SLC4A10: variants seen among roughly 807,000 people sequenced by gnomAD.
SLC4A10 encodes solute carrier family 4 member 10.
SLC4A10 carries 42 observed loss-of-function variants against 137.7 expected under a neutral mutation model. The observed-to-expected ratio is 0.30, with a 90% confidence interval of 0.24 to 0.39. SLC4A10 has a LOEUF of 0.39. SLC4A10 is among the 10% of genes least tolerant of loss of function. The pLI is 1.00. For synonymous variants in SLC4A10, 474 were observed against 464.1 expected, an observed-to-expected ratio of 1.02 and a Z score of -0.27; for missense variants, 925 against 1,355.0, an observed-to-expected ratio of 0.68 and a Z score of 4.98.
intron 2 of SLC4A10, among the ~76,000 whole-genome samples, chr2:161,798,942 T>C (rs1474062688): frequency 1.3e-5 from 2 of 149,886 alleles, no homozygotes; most frequent in Non-Finnish European, 3.0e-5. Context: ...AAAGAATCAA[T>C]TCATTTTTAG....
intron 1 of SLC4A10, among the ~76,000 whole-genome samples, chr2:161,746,069 G>T (rs1473629916): frequency 6.6e-6 from 1 of 152,088 alleles, no homozygotes; most frequent in Non-Finnish European, 1.5e-5. Flanking sequence ...ACCAAGCCCT[G>T]TGGTGACTAT....
intron 1 of SLC4A10, among the ~76,000 whole-genome samples, chr2:161,721,903 T>C (rs1321904528): frequency 2.0e-5 from 3 of 152,250 alleles, no homozygotes; most frequent in Non-Finnish European, 2.9e-5. Context: ...CTTCTTTCTC[T>C]AATCTTGTCG....
chr2:161,975,526 C>CT (rs1054464576), intron 24 of SLC4A10, among the ~76,000 whole-genome samples: 15 of 152,050 alleles, frequency 9.9e-5, no homozygotes, highest in Non-Finnish European at 1.9e-4. Flanking sequence ...CCACATGATG[C>CT]TTTTTTTAAG....
chr2:161,770,415 T>A (rs1195657036), intron 1 of SLC4A10, among the ~76,000 whole-genome samples: 1 of 151,886 alleles, frequency 6.6e-6, no homozygotes, highest in Non-Finnish European at 1.5e-5. Flanking sequence ...ATGCACATGA[T>A]CATAATTTAC....
At chr2:161,705,589 A>G (rs920520231) in intron 1 of SLC4A10, among the ~76,000 whole-genome samples, 1 of 151,596 alleles carries the variant, frequency 6.6e-6, no homozygotes, top group African/African-American at 2.4e-5. Flanking sequence ...AATCACCAAT[A>G]TAAGGGCATT....
At chr2:161,712,571 G>A (rs2044404799) in intron 1 of SLC4A10, among the ~76,000 whole-genome samples, 1 of 151,674 alleles carries the variant, frequency 6.6e-6, no homozygotes, top group African/African-American at 2.4e-5. Flanking sequence ...AACACTAAAT[G>A]AAATATATTA....
chr2:161,686,847 C>A (rs1456958134), intron 1 of SLC4A10, among the ~76,000 whole-genome samples: 1 of 151,544 alleles, frequency 6.6e-6, no homozygotes, highest in Non-Finnish European at 1.5e-5. Context: ...CTGCTGGTTG[C>A]CCATTTTTTT....
chr2:161,948,857 C>T (rs1274860417), intron 17 of SLC4A10, among the ~76,000 whole-genome samples: 3 of 151,988 alleles, frequency 2.0e-5, no homozygotes, highest in Admixed American at 6.6e-5. Flanking sequence ...TGCATGGGTT[C>T]ATCATAAAGT....
chr2:161,654,591 A>G (rs1017742814), intron 1 of SLC4A10, among the ~76,000 whole-genome samples: 2 of 152,090 alleles, frequency 1.3e-5, no homozygotes, highest in Non-Finnish European at 2.9e-5. Flanking sequence ...ATTCTTTTGT[A>G]TGTGAATATC....
intron 1 of SLC4A10, chr2:161,708,763 G>A (rs1460497370): frequency 6.5e-7 from 1 of 1,532,438 alleles, no homozygotes; most frequent in Non-Finnish European, 8.7e-7. Context: ...AGTCTTTAGG[G>A]GTTTCTGGAA....
intron 1 of SLC4A10, among the ~76,000 whole-genome samples, chr2:161,744,793 A>G (rs1006382595): frequency 6.6e-6 from 1 of 152,014 alleles, no homozygotes; most frequent in Non-Finnish European, 1.5e-5. Flanking sequence ...ATTTCTTACT[A>G]TGTCATCTAT....
intron 1 of SLC4A10, among the ~76,000 whole-genome samples, chr2:161,699,203 G>C (rs553443174): frequency 6.6e-6 from 1 of 151,964 alleles, no homozygotes; most frequent in African/African-American, 2.4e-5. Context: ...TATTTTTTTA[G>C]TAGAGACGGG....
chr2:161,647,893 A>G (rs1261034555), intron 1 of SLC4A10, among the ~76,000 whole-genome samples: 2 of 152,220 alleles, frequency 1.3e-5, no homozygotes, highest in African/African-American at 4.8e-5. Flanking sequence ...TTTCACTACT[A>G]GTACTCGCTG....
In SLC4A10 at chr2:161,670,311, T is replaced by TC. The variant is rs1410728678; in HGVS notation, c.48+45745_48+45746insC. On this transcript the variant is annotated intron_variant, in intron 1 of 26. Transcript: ENST00000446997. ...CCTCCCTTTCATCTTCTTTTTTTTT[T>TC]TCCATCCACAGGTTTTATTGAGCAT... Among the ~76,000 whole-genome samples the TC allele has an allele frequency of 4.0e-5, 6 of 151,740 alleles. No individual in the cohort carries two copies. The East Asian group carries it at 9.7e-4, about 24-fold the overall frequency.
chr2:161,949,344 T>C, intron 18 of SLC4A10, 83 bp downstream of exon 18: 4 of 862,292 alleles, frequency 4.6e-6, no homozygotes, highest in Non-Finnish European at 7.2e-6. Flanking sequence ...GTACTTAGGA[T>C]TTTCATGAAA....
At chr2:161,802,777 T>C (rs962250534) in intron 2 of SLC4A10, among the ~76,000 whole-genome samples, 1 of 152,108 alleles carries the variant, frequency 6.6e-6, no homozygotes, top group Non-Finnish European at 1.5e-5. Context: ...CTTGCATCAT[T>C]GTGTTACCTC....
At chr2:161,971,214 A>G (rs1698465129) in intron 23 of SLC4A10, among the ~76,000 whole-genome samples, 2 of 152,266 alleles carry the variant, frequency 1.3e-5, no homozygotes, top group African/African-American at 4.8e-5. Context: ...CATGCTCAAT[A>G]AATATTTGAG....
In SLC4A10 at chr2:161,627,967, G is replaced by A. The variant is rs369548651; in HGVS notation, c.48+3401G>A. On this transcript the variant is annotated intron_variant, in intron 1 of 26. Transcript: ENST00000446997. ...ACTCGATTTAACTTTTTAAGAGACTGCTGCTTTCTCTTCAAAATATTTAAT... is the reference window on the plus strand; with the variant it reads ...ACTCGATTTAACTTTTTAAGAGACTACTGCTTTCTCTTCAAAATATTTAAT... Among the ~76,000 whole-genome samples the A allele has an allele frequency of 8.7e-4, 132 of 152,168 alleles. 1 individual carries two copies. The South Asian group carries it at 0.012, about 14-fold the overall frequency.
At chr2:161,885,260 T>A (rs2062163962) in intron 10 of SLC4A10, among the ~76,000 whole-genome samples, 1 of 148,760 alleles carries the variant, frequency 6.7e-6, no homozygotes, top group East Asian at 1.9e-4. Context: ...TAGAATTTAA[T>A]ATGTTGATTC....
Sources: allele counts gnomAD v4.1 joint callset (sites outside exome capture counted in the v4.1 genomes callset), GRCh38; gene constraint gnomAD v4.1.1; transcripts MANE v1.5; gene names NCBI Gene and HGNC (gene_info 2026-07-23, HGNC 2026-07-21).